The following RABGAP1 variants were observed in gnomAD, a reference collection of about 807,000 sequenced individuals.
The protein encoded by RABGAP1 is rab GTPase-activating protein 1.
RABGAP1 carries 23 observed loss-of-function variants against 137.6 expected under a neutral mutation model. The observed-to-expected ratio is 0.17, with a 90% confidence interval of 0.12 to 0.24. The LOEUF is 0.24. RABGAP1 is among the 10% of genes least tolerant of loss of function. The pLI is 1.00. For synonymous variants in RABGAP1, 451 were observed against 450.7 expected, an observed-to-expected ratio of 1.00 and a Z score of -0.01; for missense variants, 906 against 1,275.8, an observed-to-expected ratio of 0.71 and a Z score of 4.42.
chr9:123,051,499 G>A lies in RABGAP1; in HGVS notation c.1795-13849G>A, dbSNP rs752758185. Among the ~76,000 whole-genome samples the A allele has an allele frequency of 5.1e-4, 77 of 150,656 alleles. 1 individual carries two copies. The highest frequency in any genetic ancestry group is 6.1e-4 in the Non-Finnish European group (41 of 67,686). On this transcript the variant is annotated intron_variant, in intron 13 of 25. Coordinates refer to ENST00000373647, the MANE Select transcript of RABGAP1 (RefSeq NM_012197.4). ...CGACCTTAGGTGATCTGCCCGCCTC[G>A]ACCTCCCAAAGTGCTGGGATTACAG...
At chr9:122,947,871 A>G (rs1402039957) in intron 1 of RABGAP1, among the ~76,000 whole-genome samples, 1 of 152,238 alleles carries the variant, frequency 6.6e-6, no homozygotes, top group African/African-American at 2.4e-5. Context: ...CAGAATGAAA[A>G]CAAAGACATC....
intron 6 of RABGAP1, among the ~76,000 whole-genome samples, chr9:122,991,063 TATA>T (rs1159708367): frequency 2.6e-5 from 4 of 151,806 alleles, no homozygotes; most frequent in African/African-American, 9.7e-5. Context: ...AATTTTTAAA[TATA>T]ATGATAATCC....
upstream of RABGAP1, chr9:122,939,898 C>G (rs1833464958): frequency 6.6e-6 from 1 of 152,158 alleles, no homozygotes; most frequent in Non-Finnish European, 1.5e-5. Context: ...CATTATCCAC[C>G]AGAAAACACT....
chr9:122,993,451 T>C (rs1260280404), intron 6 of RABGAP1, among the ~76,000 whole-genome samples: 1 of 152,012 alleles, frequency 6.6e-6, no homozygotes, highest in African/African-American at 2.4e-5. Context: ...TTTGTACTTT[T>C]AGTAGAGACG....
chr9:122,983,085 C>G (rs1049696788), intron 2 of RABGAP1, among the ~76,000 whole-genome samples: 3 of 151,494 alleles, frequency 2.0e-5, no homozygotes, highest in African/African-American at 7.3e-5. Flanking sequence ...CCAGGCTGGT[C>G]TCGAACTCCT....
At chr9:123,015,758 G>C (rs2031178694) in intron 12 of RABGAP1, 122 bp downstream of exon 12, 1 of 597,720 alleles carries the variant, frequency 1.7e-6, no homozygotes, top group Non-Finnish European at 2.9e-6. Context: ...TTTGCATTCT[G>C]TGATCTATTT....
At position 122,960,225 on chromosome 9, in the gene RABGAP1, T is replaced by G. The variant is rs952664926; in HGVS notation, c.150+3016T>G. Among the ~76,000 whole-genome samples, 5 of 152,214 alleles carry G rather than the reference T, an allele frequency of 3.3e-5. 1 individual carries two copies. Among genetic ancestry groups the G allele is most frequent in the Admixed American group, 2.0e-4 (3 of 15,280 alleles). Reference sequence around the variant, plus strand: ...AAGGGTCAAAACAAATCTCAACCCTTGACCTCTGGAACTTTCACTTCAAAG... The same window carrying G: ...AAGGGTCAAAACAAATCTCAACCCTGGACCTCTGGAACTTTCACTTCAAAG... On this transcript the variant is annotated intron_variant, in intron 2 of 25. Coordinates refer to ENST00000373647, the MANE Select transcript of RABGAP1 (RefSeq NM_012197.4).
At chr9:122,958,753 A>T (rs1324432054) in intron 2 of RABGAP1, among the ~76,000 whole-genome samples, 1 of 152,158 alleles carries the variant, frequency 6.6e-6, no homozygotes, top group African/African-American at 2.4e-5. Flanking sequence ...TCACACCTAT[A>T]ATCCCAACGC....
intron 13 of RABGAP1, among the ~76,000 whole-genome samples, chr9:123,025,133 C>T (rs917215357): frequency 3.3e-5 from 5 of 152,124 alleles, no homozygotes; most frequent in Non-Finnish European, 7.4e-5. Flanking sequence ...TACTTTCTTC[C>T]AGATGGATAA....
At chr9:123,017,657 A>T (rs1199954407) in intron 12 of RABGAP1, among the ~76,000 whole-genome samples, 1 of 152,174 alleles carries the variant, frequency 6.6e-6, no homozygotes, top group Non-Finnish European at 1.5e-5. Context: ...CTGTTTCTTC[A>T]TTTAGAAAAT....
chr9:123,061,199 A>C (rs960623777), intron 13 of RABGAP1, among the ~76,000 whole-genome samples: 1 of 152,056 alleles, frequency 6.6e-6, no homozygotes, highest in African/African-American at 2.4e-5. Flanking sequence ...GCTCACTGCA[A>C]CCTCTACCTC....
intron 13 of RABGAP1, among the ~76,000 whole-genome samples, chr9:123,047,919 GTTTTTTTTTTT>G (rs59639446): frequency 4.0e-4 from 25 of 62,274 alleles, no homozygotes; most frequent in Non-Finnish European, 6.4e-4. Flanking sequence ...CAGCTGCTGG[GTTTTTTTTTTT>G]TTTTTTTTTT....
At chr9:122,969,545 A>G (rs1835361591) in intron 2 of RABGAP1, among the ~76,000 whole-genome samples, 1 of 152,212 alleles carries the variant, frequency 6.6e-6, no homozygotes, top group African/African-American at 2.4e-5. Context: ...CATCAGAGGA[A>G]GGTATAATAG....
chr9:122,981,816 A>G (rs1414227273), intron 2 of RABGAP1, among the ~76,000 whole-genome samples: 1 of 152,222 alleles, frequency 6.6e-6, no homozygotes, highest in Non-Finnish European at 1.5e-5. Context: ...TGGGAGGCCA[A>G]GGTGGGTGGA....
Position 123,010,370 on chromosome 9 carries a change from G to C in RABGAP1, c.1391G>C (p.Arg464Thr), listed in dbSNP as rs1425739505. 6.2e-7 allele frequency: 1 copy of C among 1,609,944 alleles called. No individual in the cohort carries two copies. The highest frequency in any genetic ancestry group is 1.3e-5 in the African/African-American group (1 of 74,822). ...ATCTTCAAGATAAAGCAAAGGGAGA[G>C]AAAGAATAATACTGACACTTTATAT... ...LKLKQIKQRE[R>T]KNNTDTLYEV... Residue 464 changes from arginine (R) to threonine (T), a missense_variant, in exon 11 of 26, where the codon AGA becomes ACA. By Grantham distance (71) the Arg-to-Thr change is moderately conservative. Around this residue, in one of 9 missense-constraint regions of RABGAP1, gnomAD observed 212 missense variants for 289.4 expected, o/e 0.73. Transcript: ENST00000373647.
At chr9:123,026,078 CT>C (rs1180015888) in intron 13 of RABGAP1, among the ~76,000 whole-genome samples, 5 of 148,480 alleles carry the variant, frequency 3.4e-5, no homozygotes, top group African/African-American at 7.5e-5. Flanking sequence ...AATCCCAGCA[CT>C]TTCGAAGACC....
intron 13 of RABGAP1, among the ~76,000 whole-genome samples, chr9:123,039,061 G>C (rs2032818132): frequency 6.6e-6 from 1 of 152,144 alleles, no homozygotes; most frequent in South Asian, 2.1e-4. Context: ...TTTGTAAATT[G>C]TAAAGTGCTT....
At chr9:123,095,226 C>CAAAAAAA (rs55675466) in intron 21 of RABGAP1, among the ~76,000 whole-genome samples, 1 of 61,252 alleles carries the variant, frequency 1.6e-5, no homozygotes, top group Non-Finnish European at 3.1e-5. Context: ...AACCTTGTCC[C>CAAAAAAA]AAAAAAAAAA....
intron 10 of RABGAP1, among the ~76,000 whole-genome samples, chr9:123,003,146 T>C (rs887846982): frequency 4.6e-5 from 7 of 152,202 alleles, no homozygotes; most frequent in African/African-American, 1.7e-4. Flanking sequence ...ATTCCCTCTT[T>C]TACATTCATG....
Sources: allele counts gnomAD v4.1 joint callset (sites outside exome capture counted in the v4.1 genomes callset), GRCh38; gene constraint gnomAD v4.1.1; regional missense constraint gnomAD v4.1.1; transcripts MANE v1.5; gene names NCBI Gene and HGNC (gene_info 2026-07-23, HGNC 2026-07-21).